Variants in MIB1 observed in about 807,000 individuals in gnomAD.
The protein encoded by MIB1 is E3 ubiquitin-protein ligase MIB1.
MIB1 carries 278 observed loss-of-function variants against 124.5 expected under a neutral mutation model. The ratio of observed to expected loss-of-function variants is 2.23; its 90% CI spans 2.02 to 2.47. MIB1 has a LOEUF of 2.47. Ranked by LOEUF, MIB1 falls within the 30% of genes most tolerant of loss-of-function variation. The probability of loss-of-function intolerance (pLI) is 0.00; values close to 1 mark genes in which losing one functional copy is unlikely to be tolerated. For synonymous variants in MIB1, 446 were observed against 429.4 expected (o/e 1.04, Z -0.48); for missense variants, 957 against 1,254.4 (o/e 0.76, Z 3.58).
intron 12 of MIB1, among the ~76,000 whole-genome samples, chr18:21,823,014 A>G (rs1243340846): frequency 1.3e-5 from 2 of 152,070 alleles, no homozygotes; most frequent in Non-Finnish European, 1.5e-5. Context: ...CAGGCAGATC[A>G]CTTGAGGCTA....
At chr18:21,754,347 A>G (rs1379205506) in intron 1 of MIB1, among the ~76,000 whole-genome samples, 1 of 152,242 alleles carries the variant, frequency 6.6e-6, no homozygotes, top group Non-Finnish European at 1.5e-5. Flanking sequence ...GAAATAAACA[A>G]TTCATACATT....
intron 4 of MIB1, among the ~76,000 whole-genome samples, chr18:21,777,681 A>G (rs920170807): frequency 1.3e-5 from 2 of 152,004 alleles, no homozygotes; most frequent in Admixed American, 1.3e-4. Flanking sequence ...CCACCTCCTG[A>G]GCATCTGGGA....
intron 7 of MIB1, among the ~76,000 whole-genome samples, chr18:21,797,876 ATTC>A (rs1334797087): frequency 1.3e-5 from 2 of 152,084 alleles, no homozygotes; most frequent in Non-Finnish European, 2.9e-5. Flanking sequence ...TTTGTCTCAT[ATTC>A]TTGTGGAAGT....
At chr18:21,727,571 C>T (rs1346201398) in intron 1 of MIB1, among the ~76,000 whole-genome samples, 1 of 152,096 alleles carries the variant, frequency 6.6e-6, no homozygotes, top group Admixed American at 6.6e-5. Flanking sequence ...AACAAGACTC[C>T]CTTATCTACA....
chr18:21,753,388 A>G (rs1197329584), intron 1 of MIB1, among the ~76,000 whole-genome samples: 1 of 151,976 alleles, frequency 6.6e-6, no homozygotes, highest in Non-Finnish European at 1.5e-5. Context: ...GGGTTTCACC[A>G]TGTTGGCCAG....
chr18:21,776,823 A>G (rs1486624761), intron 4 of MIB1, among the ~76,000 whole-genome samples: 1 of 151,918 alleles, frequency 6.6e-6, no homozygotes, highest in Admixed American at 6.6e-5. Context: ...GTAAAAATAC[A>G]AATATTAGTT....
Position 21,741,718 on chromosome 18 carries a change from CG to C in MIB1, c.136del (p.Glu46ArgfsTer5), listed in dbSNP as rs2040854571. On this transcript the variant is annotated frameshift_variant, in exon 1 of 21. Transcript: ENST00000261537. LOFTEE classifies it high-confidence loss of function. The surrounding 1 kb of genome is among the most constrained non-coding windows in gnomAD (Gnocchi z 5.4). ...GCACCGTCCGGAGCTTCGAGAGCCCCGAGGAGGTGGTGGTAGTGTGGGACAA... is the reference window on the plus strand; with the variant it reads ...GCACCGTCCGGAGCTTCGAGAGCCCCAGGAGGTGGTGGTAGTGTGGGACAA... ...VGTVRSFESP[E>X]EVVVVWDNGT... 3 of 1,611,546 alleles carry C rather than the reference CG, an allele frequency of 1.9e-6. No homozygotes were observed. The highest frequency in any genetic ancestry group is 2.5e-6 in the Non-Finnish European group (3 of 1,179,396).
At chr18:21,797,986 AATAAGTAAAATCATTACTTTAAGC>A in intron 7 of MIB1, 74 bp from the exon 8 acceptor site, 1 of 1,186,922 alleles carries the variant, frequency 8.4e-7, no homozygotes. Flanking sequence ...TTTCATTAGT[AATAAGTAAAATCATTACTTTAAGC>A]ATATAAAAAC....
At chr18:21,707,723 C>G (rs982256185) in intron 1 of MIB1, among the ~76,000 whole-genome samples, 5 of 152,134 alleles carry the variant, frequency 3.3e-5, no homozygotes, top group African/African-American at 1.2e-4. Flanking sequence ...TCAGTGAGAC[C>G]AAGAACCCAC....
intron 1 of MIB1, among the ~76,000 whole-genome samples, chr18:21,705,550 G>T (rs1272675197): frequency 6.8e-3 from 1 of 146 alleles, no homozygotes; most frequent in Non-Finnish European, 0.017. Context: ...ATCTGAAATG[G>T]TTAGAATTTA....
At chr18:21,856,658 C>A (rs1377742673) in intron 18 of MIB1, among the ~76,000 whole-genome samples, 1 of 152,210 alleles carries the variant, frequency 6.6e-6, no homozygotes, top group Non-Finnish European at 1.5e-5. Context: ...AGCAAACCAC[C>A]ATGGCACACT....
chr18:21,745,824 A>G (rs1454399595), intron 1 of MIB1, among the ~76,000 whole-genome samples: 1 of 151,996 alleles, frequency 6.6e-6, no homozygotes, highest in Non-Finnish European at 1.5e-5. Flanking sequence ...CTCCTGTCTC[A>G]TCCTCCTGAG....
Position 21,864,788 on chromosome 18 carries a change from TAATTGGGCTGTA to T in MIB1, c.*126_*137del. 1 of 665,904 alleles carries T rather than the reference TAATTGGGCTGTA, an allele frequency of 1.5e-6. No individual in the cohort carries two copies. 41.2% of individuals were successfully genotyped at this position (665,904 alleles called of 1,614,324 possible). Reference sequence around the variant, plus strand: ...ATATCATAGTTTCTTTACTAGAGTATAATTGGGCTGTAAATGTACCAGAACAAAAAACCCTAC... The same window carrying T: ...ATATCATAGTTTCTTTACTAGAGTATAATGTACCAGAACAAAAAACCCTAC... On this transcript the variant is annotated 3_prime_UTR_variant, in exon 21 of 21. Coordinates refer to ENST00000261537, the MANE Select transcript of MIB1 (RefSeq NM_020774.4).
chr18:21,767,687 A>G (rs182919005), intron 2 of MIB1, among the ~76,000 whole-genome samples: 87 of 152,134 alleles, frequency 5.7e-4, no homozygotes, highest in Non-Finnish European at 1.0e-3. Flanking sequence ...AGCTGGGACT[A>G]CAGGCGCCCG....
chr18:21,775,346 C>T (rs2041272373), intron 4 of MIB1, among the ~76,000 whole-genome samples: 1 of 151,944 alleles, frequency 6.6e-6, no homozygotes, highest in Non-Finnish European at 1.5e-5. Context: ...CTCAAACAAA[C>T]CTCCCACCTC....
At chr18:21,747,904 ATTAG>A in intron 1 of MIB1, among the ~76,000 whole-genome samples, 1 of 152,288 alleles carries the variant, frequency 6.6e-6, no homozygotes, top group Admixed American at 6.5e-5. Flanking sequence ...GCACTAGATT[ATTAG>A]TTTAAGGGAA....
chr18:21,758,910 A>G (rs745781858), intron 1 of MIB1, among the ~76,000 whole-genome samples: 70 of 152,328 alleles, frequency 4.6e-4, no homozygotes, highest in Middle Eastern at 3.4e-3. Flanking sequence ...GCACCATACT[A>G]GTCTAGAAGG....
chr18:21,777,416 C>A (rs139569258), intron 4 of MIB1, among the ~76,000 whole-genome samples: 6 of 152,112 alleles, frequency 3.9e-5, no homozygotes, highest in Non-Finnish European at 5.9e-5. Context: ...CACACACACA[C>A]AAAAAAGAAT....
chr18:21,833,157 A>G (rs1874615227), intron 12 of MIB1, among the ~76,000 whole-genome samples: 2 of 152,200 alleles, frequency 1.3e-5, no homozygotes, highest in Non-Finnish European at 2.9e-5. Flanking sequence ...CTTCACCACT[A>G]TGCCACATTG....
Sources: gnomAD v4.1 joint callset for allele counts (sites outside exome capture counted in the v4.1 genomes callset) on GRCh38, gnomAD v4.1.1 for gene constraint, Gnocchi (gnomAD v3.1) non-coding constraint, MANE v1.5 for transcripts, NCBI Gene and HGNC (gene_info 2026-07-23, HGNC 2026-07-21) for gene names.